Variants in NR2F1-AS1 observed in about 807,000 individuals in gnomAD.
NR2F1-AS1 encodes the protein NR2F1 regulatory antisense RNA 1.
chr5:93,537,122 T>C (rs1411282730), intron 4 of NR2F1-AS1, among the ~76,000 whole-genome samples: 1 of 152,118 alleles, frequency 6.6e-6, no homozygotes, highest in Non-Finnish European at 1.5e-5. Flanking sequence ...AGTGTGAAAA[T>C]GGACTAATAC....
intron 1 of NR2F1-AS1, among the ~76,000 whole-genome samples, chr5:93,563,829 G>A (rs1473772772): frequency 6.6e-6 from 1 of 151,998 alleles, no homozygotes; most frequent in African/African-American, 2.4e-5. Flanking sequence ...CAGGCCGGGT[G>A]CAGTGGCTCA....
At chr5:93,572,248 G>A (rs777260964) in intron 1 of NR2F1-AS1, among the ~76,000 whole-genome samples, 1 of 152,212 alleles carries the variant, frequency 6.6e-6, no homozygotes, top group African/African-American at 2.4e-5. Context: ...CTGGCGCTGG[G>A]GCCTGAGGTT....
At chr5:93,570,860 C>CG (rs1752744889) in intron 1 of NR2F1-AS1, 1 of 152,228 alleles carries the variant, frequency 6.6e-6, no homozygotes, top group African/African-American at 2.4e-5. Flanking sequence ...TTCCGGGATC[C>CG]GCTCCCTGCG....
chr5:93,514,824 T>C (rs1751369496), intron 4 of NR2F1-AS1, among the ~76,000 whole-genome samples: 1 of 152,040 alleles, frequency 6.6e-6, no homozygotes, highest in Non-Finnish European at 1.5e-5. Flanking sequence ...TGTTATTTCA[T>C]GAAACCAAAA....
At chr5:93,451,577 A>G (rs918706990) in intron 4 of NR2F1-AS1, among the ~76,000 whole-genome samples, 4 of 151,850 alleles carry the variant, frequency 2.6e-5, no homozygotes, top group Admixed American at 2.0e-4. Flanking sequence ...TTATTTTTGT[A>G]TTTTTTGTAG....
chr5:93,508,416 T>G (rs1331604091), intron 4 of NR2F1-AS1, among the ~76,000 whole-genome samples: 1 of 152,104 alleles, frequency 6.6e-6, no homozygotes, highest in African/African-American at 2.4e-5. Flanking sequence ...CTGAGAAAAT[T>G]AGTTACATAC....
chr5:93,473,604 C>T (rs946570156), intron 4 of NR2F1-AS1, among the ~76,000 whole-genome samples: 2 of 150,714 alleles, frequency 1.3e-5, no homozygotes, highest in African/African-American at 4.9e-5. Flanking sequence ...TTTTAATATA[C>T]CCTTAAATAT....
intron 4 of NR2F1-AS1, among the ~76,000 whole-genome samples, chr5:93,477,592 G>A (rs910305793): frequency 1.3e-5 from 2 of 151,976 alleles, no homozygotes; most frequent in African/African-American, 4.8e-5. Context: ...CAAGAAAAAA[G>A]GTAAACAAGT....
intron 4 of NR2F1-AS1, among the ~76,000 whole-genome samples, chr5:93,493,274 C>A (rs1750888958): frequency 6.6e-6 from 1 of 151,970 alleles, no homozygotes; most frequent in Non-Finnish European, 1.5e-5. Context: ...AAATTAAAAA[C>A]AATTCCATTT....
At chr5:93,573,277 G>T (rs1453909851) in intron 1 of NR2F1-AS1, among the ~76,000 whole-genome samples, 1 of 152,174 alleles carries the variant, frequency 6.6e-6, no homozygotes. Flanking sequence ...ACTCCTTCCC[G>T]GCAGCGGGCC....
intron 4 of NR2F1-AS1, among the ~76,000 whole-genome samples, chr5:93,503,748 T>A (rs947352670): frequency 6.6e-6 from 1 of 152,202 alleles, no homozygotes; most frequent in Non-Finnish European, 1.5e-5. Context: ...TTCACATGTG[T>A]TGTCACAACT....
chr5:93,450,914 C>CAAAA (rs60895927), intron 4 of NR2F1-AS1, among the ~76,000 whole-genome samples: 33 of 54,004 alleles, frequency 6.1e-4, no homozygotes, highest in East Asian at 1.7e-3. Context: ...GAATCTGCTT[C>CAAAA]AAAAAAAAAA....
chr5:93,439,456 G>C (rs549055834), intron 4 of NR2F1-AS1, among the ~76,000 whole-genome samples: 1 of 152,076 alleles, frequency 6.6e-6, no homozygotes, highest in Admixed American at 6.5e-5. Context: ...TACCTCGCCC[G>C]GCTAATTTTT....
intron 4 of NR2F1-AS1, chr5:93,409,401 AT>A: frequency 6.6e-6 from 1 of 152,310 alleles, no homozygotes; most frequent in East Asian, 1.9e-4. Flanking sequence ...AAGTAGATTG[AT>A]TGTAAGCTAC....
At chr5:93,472,725 T>C (rs941393230) in intron 4 of NR2F1-AS1, among the ~76,000 whole-genome samples, 6 of 151,788 alleles carry the variant, frequency 4.0e-5, no homozygotes, top group South Asian at 2.1e-4. Context: ...CAACACTATA[T>C]TGAATAAAAA....
intron 4 of NR2F1-AS1, among the ~76,000 whole-genome samples, chr5:93,491,550 CTG>C: frequency 6.6e-6 from 1 of 152,086 alleles, no homozygotes; most frequent in East Asian, 1.9e-4. Flanking sequence ...CTGGGTGTGT[CTG>C]TGAGAGTGTG....
In NR2F1-AS1 at chr5:93,455,794, C is replaced by T. The variant is rs560239080; in HGVS notation, n.639-60252G>A. Among the ~76,000 whole-genome samples, 9 of 151,664 alleles carry T rather than the reference C, an allele frequency of 5.9e-5. No individual in the cohort carries two copies. The East Asian group carries it at 1.7e-3, about 29-fold the overall frequency. ...ATTTTTTCTGGAAATGTAGTTTTAACTTATGAAAAAAATCAATGTAAAATT... is the reference window on the plus strand; with the variant it reads ...ATTTTTTCTGGAAATGTAGTTTTAATTTATGAAAAAAATCAATGTAAAATT... On this transcript the variant is annotated intron_variant and non_coding_transcript_variant, in intron 4 of 5. Coordinates refer to ENST00000660523, the Ensembl canonical transcript of NR2F1-AS1.
At chr5:93,425,274 C>T (rs558718971) in intron 4 of NR2F1-AS1, among the ~76,000 whole-genome samples, 6 of 152,234 alleles carry the variant, frequency 3.9e-5, no homozygotes, top group African/African-American at 1.4e-4. Context: ...TTTAGCAGTT[C>T]GATGACTGCT....
intron 4 of NR2F1-AS1, among the ~76,000 whole-genome samples, chr5:93,500,742 A>G (rs536912850): frequency 6.6e-6 from 1 of 152,136 alleles, no homozygotes; most frequent in Non-Finnish European, 1.5e-5. Flanking sequence ...GGTTCAAGAG[A>G]TTCTAGTGCC....
Sources: allele counts gnomAD v4.1 joint callset (sites outside exome capture counted in the v4.1 genomes callset), GRCh38; gene constraint gnomAD v4.1.1; transcripts MANE v1.5; gene names NCBI Gene and HGNC (gene_info 2026-07-23, HGNC 2026-07-21).